The following PTCH2 variants were observed in gnomAD, a reference collection of about 807,000 sequenced individuals.
PTCH2 encodes the protein patched 2, also known as protein patched homolog 2.
In PTCH2, 96 loss-of-function variants were observed where a neutral mutation model predicts 117.9. That is an observed-to-expected ratio of 0.81 (90% CI 0.69 to 0.96). PTCH2 has a LOEUF of 0.96. Among genes scored for constraint, PTCH2 ranks in the 50% least tolerant of loss-of-function variants. PTCH2 has a pLI of 0.00. For missense variants in PTCH2, 1,379 were observed against 1,562.5 expected (o/e 0.88, Z 1.98); for synonymous variants, 615 against 660.9 (o/e 0.93, Z 1.06).
Position 44,823,504 on chromosome 1 carries a change from G to A in PTCH2, c.3115-119C>T, listed in dbSNP as rs922452227. 8.0e-6 allele frequency: 11 copies of A among 1,382,700 alleles called. No individual in the cohort carries two copies. Among genetic ancestry groups the A allele is most frequent in the Admixed American group, 7.5e-5 (4 of 53,374 alleles). The allele number at this position is 1,382,700 out of a possible 1,614,324, so 85.7% of individuals were successfully genotyped here. ...TACCTTGGCCCACCAAAGGCTGGGT[G>A]AACTAAGTTCATGGGAACTGTACAG... On this transcript the variant is annotated intron_variant, in intron 19 of 21. Transcript: ENST00000372192. The surrounding 1 kb of genome is among the most constrained non-coding windows in gnomAD (Gnocchi z 5.1).
chr1:44,828,606 C>T lies in PTCH2; in HGVS notation c.1490G>A (p.Arg497His), dbSNP rs747326124. 34 of 1,613,276 alleles carry T rather than the reference C, an allele frequency of 2.1e-5. No individual in the cohort carries two copies. The highest frequency in any genetic ancestry group is 2.5e-5 in the Non-Finnish European group (30 of 1,179,726). ...LQERMGECLQ[R>H]TGTSVVLTSI... Reference sequence around the variant, plus strand: ...TGTGAGTACGACACTGGTGCCCGTGCGCTGCAGACACTCGCCCATGCGCTC... The same window carrying T: ...TGTGAGTACGACACTGGTGCCCGTGTGCTGCAGACACTCGCCCATGCGCTC... Residue 497 changes from arginine to histidine, a missense_variant, in exon 12 of 22, where the codon CGC (arginine) becomes CAC (histidine). Transcript: ENST00000372192.
In PTCH2 at chr1:44,831,584, C is replaced by T; in HGVS notation, c.617+122G>A. 1.0e-6 allele frequency: 1 copy of T among 986,194 alleles called. No homozygotes were observed. Among genetic ancestry groups the T allele is most frequent in the Admixed American group, 2.0e-5 (1 of 49,432 alleles). 61.1% of individuals were successfully genotyped at this position (986,194 alleles called of 1,614,324 possible). On this transcript the variant is annotated intron_variant, in intron 5 of 21. Coordinates refer to ENST00000372192, the MANE Select transcript of PTCH2 (RefSeq NM_003738.5). This position sits in a 1 kb window ranked among gnomAD's most constrained non-coding sequence, Gnocchi z 4.3. ...TTGGGGAAGCCCATGCTCTCTGTTC[C>T]TGGCCTGGGAGGTAATTAGGACCTT...
Position 44,823,416 on chromosome 1 carries a change from C to T in PTCH2, c.3115-31G>A. On this transcript the variant is annotated intron_variant, in intron 19 of 21. Transcript: ENST00000372192. The surrounding 1 kb of genome is among the most constrained non-coding windows in gnomAD (Gnocchi z 5.1). The stretch of plus-strand genomic sequence containing the variant: ...AAAACAGAGTGGTCCTGGAGCTGCT[C>T]CTCTGCCAGTCATGGCCAGCTCAGC... 3.1e-6 allele frequency: 5 copies of T among 1,613,996 alleles called. No individual in the cohort carries two copies. Among genetic ancestry groups the T allele is most frequent in the Non-Finnish European group, 3.4e-6 (4 of 1,180,018 alleles).
At position 44,834,386 on chromosome 1, in the gene PTCH2, G is replaced by A. The variant is rs1001746827; in HGVS notation, c.266-2045C>T. Among the ~76,000 whole-genome samples the A allele has an allele frequency of 2.6e-5, 4 of 152,234 alleles. No individual in the cohort carries two copies. The East Asian group carries it at 5.8e-4, about 22-fold the overall frequency. On this transcript the variant is annotated intron_variant, in intron 2 of 21. Coordinates refer to ENST00000372192, the MANE Select transcript of PTCH2 (RefSeq NM_003738.5). ...GATCTGCCAGCCTCGGCCTCACAAA[G>A]TGCTGGGATTACAGGTGTGAGCCAC...
chr1:44,842,128 C>T, intron 1 of PTCH2, 89 bp from the exon 2 acceptor site: 1 of 1,308,702 alleles, frequency 7.6e-7, no homozygotes, highest in South Asian at 1.2e-5. Flanking sequence ...GCTGCCCAGC[C>T]CTCGCTTCTT....
rs572827313 is a variant in PTCH2, at chr1:44,837,582, T to C, written c.265+4265A>G. 8.0e-4 allele frequency among the ~76,000 whole-genome samples: 121 copies of C among 152,152 alleles called. 1 individual carries two copies. Among genetic ancestry groups the C allele is most frequent in the Non-Finnish European group, 1.2e-3 (80 of 67,998 alleles). On this transcript the variant is annotated intron_variant, in intron 2 of 21. Coordinates refer to ENST00000372192, the MANE Select transcript of PTCH2 (RefSeq NM_003738.5). ...ATTTTATTTTTTAATTTTTTAGAAA[T>C]AGAGATGGGTTTTTGCCATGTTGCC... is the stretch of plus-strand genomic sequence containing the variant.
chr1:44,824,324 G>T (rs1314327436), intron 19 of PTCH2, among the ~76,000 whole-genome samples: 2 of 152,096 alleles, frequency 1.3e-5, no homozygotes, highest in Non-Finnish European at 2.9e-5. Context: ...GATATTTGGT[G>T]GGGGGAAAGG....
chr1:44,822,814 G>T, intron 21 of PTCH2, 145 bp from the exon 22 acceptor site: 1 of 952,434 alleles, frequency 1.0e-6, no homozygotes, highest in Non-Finnish European at 1.6e-6. Flanking sequence ...CAGGCGACAG[G>T]ATGTTGAGGC....
chr1:44,821,155 G>A (rs1248624979), downstream of PTCH2, among the ~76,000 whole-genome samples: 1 of 152,130 alleles, frequency 6.6e-6, no homozygotes, highest in African/African-American at 2.4e-5. Flanking sequence ...TAGACTATGG[G>A]TCCTAAGCTA....
At position 44,827,173 on chromosome 1, in the gene PTCH2, G is replaced by A. The variant is rs1267534771; in HGVS notation, c.2508C>T (p.Phe836=). 1 of 1,614,054 alleles carries A rather than the reference G, an allele frequency of 6.2e-7. No homozygotes were observed. The highest frequency in any genetic ancestry group is 2.2e-5 in the East Asian group (1 of 44,870). The part of the protein sequence containing the change: ...QTGDAQEPLD[F]SQLTTRKLVD... Reference sequence around the variant, plus strand: ...CCTCCAGCCCTCTCCCAACCTGGCTGAAATCCAGAGGCTCCTGGGCGTCTC... The same window carrying A: ...CCTCCAGCCCTCTCCCAACCTGGCTAAAATCCAGAGGCTCCTGGGCGTCTC... Residue 836 remains phenylalanine, a synonymous_variant, in exon 16 of 22, where the codon TTC becomes TTT. Coordinates refer to ENST00000372192, the MANE Select transcript of PTCH2 (RefSeq NM_003738.5).
At chr1:44,842,692 C>T (rs555043466) in intron 1 of PTCH2, among the ~76,000 whole-genome samples, 169 bp downstream of exon 1, 4 of 152,220 alleles carry the variant, frequency 2.6e-5, no homozygotes, top group Admixed American at 1.3e-4. Context: ...GAGGAGACAC[C>T]GGCACAGACA....
chr1:44,824,448 A>T (rs1653053071), intron 19 of PTCH2, among the ~76,000 whole-genome samples: 1 of 151,042 alleles, frequency 6.6e-6, no homozygotes, highest in Non-Finnish European at 1.5e-5. Flanking sequence ...TATCTCTGGT[A>T]TCTTTGTAGA....
Position 44,831,194 on chromosome 1 carries a change from G to A in PTCH2, c.618-151C>T, listed in dbSNP as rs993729771. ...GTGCAAGCCTCAGCTTCTCAGAACT[G>A]CCAGGCTGCATGGGCCCACCAGGGT... is the stretch of plus-strand genomic sequence containing the variant. On this transcript the variant is annotated intron_variant, in intron 5 of 21. Transcript: ENST00000372192. The surrounding 1 kb of genome is among the most constrained non-coding windows in gnomAD (Gnocchi z 4.3). The A allele has an allele frequency of 1.2e-6, 1 of 822,348 alleles. No individual in the cohort carries two copies. Among genetic ancestry groups the A allele is most frequent in the Admixed American group, 2.5e-5 (1 of 39,356 alleles). 50.9% of individuals were successfully genotyped at this position (822,348 alleles called of 1,614,324 possible). A position where few individuals can be genotyped will look rare whatever the true frequency, so the allele number is the denominator to read the frequency against.
rs779998161 is a variant in PTCH2, at chr1:44,826,641, C to T, written c.2823G>A (p.Gly941=). ...RAACAEAGQA[G]VHAYPSGSPF... is the part of the protein sequence containing the mutation. ...GGGAGCCGCTGGGGTAGGCGTGCAC[C>T]CCAGCCTGGCCGGCCTCTGCGCATG... Residue 941 remains glycine, a synonymous_variant, in exon 18 of 22, where the codon GGG becomes GGA. Transcript: ENST00000372192. This position sits in a 1 kb window ranked among gnomAD's most constrained non-coding sequence, Gnocchi z 5.1. The T allele has an allele frequency of 1.9e-6, 3 of 1,612,338 alleles. No individual in the cohort carries two copies. The African/African-American group carries it at 4.0e-5, about 22-fold the overall frequency.
chr1:44,828,922 AGAG>A, intron 11 of PTCH2, 57 bp downstream of exon 11: 1 of 1,515,606 alleles, frequency 6.6e-7, no homozygotes, highest in Non-Finnish European at 9.0e-7. Context: ...ACTTGAACCA[AGAG>A]GCTCTTAACC....
chr1:44,827,881 AG>A lies in PTCH2; in HGVS notation c.2019del (p.Tyr674IlefsTer26), dbSNP rs769826884. 9 of 1,614,068 alleles carry A rather than the reference AG, an allele frequency of 5.6e-6. No homozygotes were observed. The highest frequency in any genetic ancestry group is 5.1e-6 in the Non-Finnish European group (6 of 1,180,044). ...CARWNLAHFA[R>X]YQFAPLLLQS... ...TGGAGCAGCAACGGGGCAAACTGAT[AG>A]CGGGCGAAATGGGCAAGATTCCAGC... On this transcript the variant is annotated frameshift_variant, in exon 14 of 22. Coordinates refer to ENST00000372192, the MANE Select transcript of PTCH2 (RefSeq NM_003738.5). LOFTEE classifies it high-confidence loss of function.
intron 2 of PTCH2, among the ~76,000 whole-genome samples, chr1:44,833,310 C>CTTTG (rs1653540034): frequency 6.6e-6 from 1 of 152,124 alleles, no homozygotes. Flanking sequence ...TGATCTCAGA[C>CTTTG]CCTGCGCTGT....
At chr1:44,830,819 T>C in intron 6 of PTCH2, 29 bp downstream of exon 6, 1 of 1,514,614 alleles carries the variant, frequency 6.6e-7, no homozygotes, top group Non-Finnish European at 8.9e-7. Context: ...GAAAACAGCC[T>C]TTCCCTGGCA....
chr1:44,841,350 T>TG (rs1158885718), intron 2 of PTCH2, among the ~76,000 whole-genome samples: 1 of 152,230 alleles, frequency 6.6e-6, no homozygotes, highest in Admixed American at 6.5e-5. Flanking sequence ...GTCCTCTCCC[T>TG]GCAGGCTTGG....
Sources: gnomAD v4.1 joint callset for allele counts (sites outside exome capture counted in the v4.1 genomes callset) on GRCh38, gnomAD v4.1.1 for gene constraint, Gnocchi (gnomAD v3.1) non-coding constraint, MANE v1.5 for transcripts, NCBI Gene and HGNC (gene_info 2026-07-23, HGNC 2026-07-21) for gene names.